Variants in ADAM10 observed in about 807,000 individuals in gnomAD.
ADAM10 encodes the protein ADAM metallopeptidase domain 10, also known as disintegrin and metalloproteinase domain-containing protein 10.
ADAM10 carries 17 observed loss-of-function variants against 90.1 expected under a neutral mutation model. That is an observed-to-expected ratio of 0.19 (90% CI 0.13 to 0.28). The LOEUF is 0.28. Among genes scored for constraint, ADAM10 ranks in the 10% least tolerant of loss-of-function variants. The probability of loss-of-function intolerance (pLI) is 1.00; values close to 1 mark genes in which losing one functional copy is unlikely to be tolerated. For synonymous variants in ADAM10, 310 were observed against 298.6 expected (o/e 1.04, Z -0.40); for missense variants, 610 against 914.3 (o/e 0.67, Z 4.29).
intron 1 of ADAM10, among the ~76,000 whole-genome samples, chr15:58,718,718 A>T (rs1898745698): frequency 6.6e-6 from 1 of 152,178 alleles, no homozygotes; most frequent in Non-Finnish European, 1.5e-5. Flanking sequence ...CTTTAGCCTC[A>T]GGTAGTTTCC....
At chr15:58,608,474 G>A (rs1276511186) in intron 14 of ADAM10, among the ~76,000 whole-genome samples, 1 of 152,160 alleles carries the variant, frequency 6.6e-6, no homozygotes, top group Non-Finnish European at 1.5e-5. Flanking sequence ...TGTGGTTAAT[G>A]CCCACAAATG....
Position 58,608,645 on chromosome 15 carries a change from A to G in ADAM10, c.2025+1652T>C, listed in dbSNP as rs574158175. Among the ~76,000 whole-genome samples the G allele has an allele frequency of 5.9e-5, 9 of 152,332 alleles. No individual in the cohort carries two copies. The East Asian group carries it at 1.5e-3, about 26-fold the overall frequency. On this transcript the variant is annotated intron_variant, in intron 14 of 15. Transcript: ENST00000260408. ...AAAGTGTCTGATTAATTAGTTCCAG[A>G]GCACAAGAAAGGACTTCATGTTGCC...
At chr15:58,668,493 A>G (rs2140733586) in intron 4 of ADAM10, among the ~76,000 whole-genome samples, 1 of 152,266 alleles carries the variant, frequency 6.6e-6, no homozygotes, top group Middle Eastern at 3.4e-3. Flanking sequence ...ATATTGTTGC[A>G]GCCAGAGTAA....
intron 1 of ADAM10, among the ~76,000 whole-genome samples, chr15:58,737,083 C>T (rs568240333): frequency 6.6e-6 from 1 of 152,150 alleles, no homozygotes; most frequent in Non-Finnish European, 1.5e-5. Flanking sequence ...CTTAGGAGAG[C>T]TCTCCCTTTT....
chr15:58,597,478 A>G lies in ADAM10; in HGVS notation c.*69T>C. ...GGGTTTAGTTTGGAGATGATGACTT[A>G]ATAGGTTTCTCTTTGGAGTGAAGTT... On this transcript the variant is annotated 3_prime_UTR_variant, in exon 16 of 16. Coordinates refer to ENST00000260408, the MANE Select transcript of ADAM10 (RefSeq NM_001110.4). 1 of 1,611,818 alleles carries G rather than the reference A, an allele frequency of 6.2e-7. No homozygotes were observed. Among genetic ancestry groups the G allele is most frequent in the East Asian group, 2.2e-5 (1 of 44,844 alleles).
intron 1 of ADAM10, among the ~76,000 whole-genome samples, chr15:58,731,205 T>C (rs1899225058): frequency 6.6e-6 from 1 of 152,048 alleles, no homozygotes; most frequent in African/African-American, 2.4e-5. Flanking sequence ...GGAAAAAAAA[T>C]CCACAAAGTT....
intron 1 of ADAM10, among the ~76,000 whole-genome samples, chr15:58,722,920 C>T (rs1898904900): frequency 6.6e-6 from 1 of 151,820 alleles, no homozygotes. Flanking sequence ...CTTGTAGAGA[C>T]AGGGTCTCAC....
chr15:58,733,904 A>ATT (rs1899342748), intron 1 of ADAM10, among the ~76,000 whole-genome samples: 1 of 135,858 alleles, frequency 7.4e-6, no homozygotes, highest in East Asian at 2.7e-4. Flanking sequence ...TTTTCATTAC[A>ATT]TTATATATAT....
chr15:58,634,514 C>A (rs576961160), intron 8 of ADAM10, among the ~76,000 whole-genome samples: 1 of 152,162 alleles, frequency 6.6e-6, no homozygotes, highest in Non-Finnish European at 1.5e-5. Flanking sequence ...TAGAATTTAA[C>A]AGCAAATGAC....
chr15:58,691,970 C>A, intron 2 of ADAM10: 1 of 430,286 alleles, frequency 2.3e-6, no homozygotes, highest in South Asian at 1.7e-5. Context: ...GCCACCATGC[C>A]CAGCCGGCAT....
At chr15:58,704,370 T>C (rs1898220615) in intron 2 of ADAM10, among the ~76,000 whole-genome samples, 1 of 152,130 alleles carries the variant, frequency 6.6e-6, no homozygotes, top group Non-Finnish European at 1.5e-5. Flanking sequence ...ATGATGGATA[T>C]GGTGACGGTT....
intron 2 of ADAM10, among the ~76,000 whole-genome samples, chr15:58,701,749 G>A (rs781448694): frequency 2.6e-5 from 4 of 152,032 alleles, no homozygotes; most frequent in African/African-American, 4.8e-5. Context: ...GTGAATCAAC[G>A]GATAAATGTT....
chr15:58,605,350 G>A (rs553820761), intron 14 of ADAM10, among the ~76,000 whole-genome samples: 2 of 152,108 alleles, frequency 1.3e-5, no homozygotes, highest in Admixed American at 6.6e-5. Flanking sequence ...AGCGTGTGGG[G>A]AAATGGAACA....
intron 2 of ADAM10, among the ~76,000 whole-genome samples, chr15:58,704,877 C>T (rs1567004163): frequency 6.6e-6 from 1 of 152,038 alleles, no homozygotes. Flanking sequence ...ATTTGGTTGC[C>T]GCATATTGCT....
At chr15:58,603,527 C>T (rs1450739974) in intron 14 of ADAM10, among the ~76,000 whole-genome samples, 5 of 152,314 alleles carry the variant, frequency 3.3e-5, no homozygotes, top group Admixed American at 2.0e-4. Context: ...AGGAGACACA[C>T]TTCTCTTCCT....
chr15:58,662,414 C>T (rs575399266), intron 5 of ADAM10, among the ~76,000 whole-genome samples: 30 of 152,234 alleles, frequency 2.0e-4, no homozygotes, highest in African/African-American at 5.8e-4. Flanking sequence ...ATCACAGCAG[C>T]CTCAACCACC....
chr15:58,718,947 G>A (rs1478618751), intron 1 of ADAM10, among the ~76,000 whole-genome samples: 1 of 152,154 alleles, frequency 6.6e-6, no homozygotes, highest in Non-Finnish European at 1.5e-5. Context: ...AATCTCTCAA[G>A]GCAGAAAGCT....
chr15:58,615,083 G>A (rs1171469257), intron 11 of ADAM10, among the ~76,000 whole-genome samples: 1 of 151,960 alleles, frequency 6.6e-6, no homozygotes, highest in Non-Finnish European at 1.5e-5. Context: ...AACCATCCTG[G>A]CTAACACAGT....
chr15:58,710,949 T>A (rs1898454208), intron 2 of ADAM10, among the ~76,000 whole-genome samples: 1 of 152,124 alleles, frequency 6.6e-6, no homozygotes, highest in Non-Finnish European at 1.5e-5. Flanking sequence ...CTAACCCAAC[T>A]CCAGGCAAGA....
Sources: allele counts gnomAD v4.1 joint callset (sites outside exome capture counted in the v4.1 genomes callset), GRCh38; gene constraint gnomAD v4.1.1; transcripts MANE v1.5; gene names NCBI Gene and HGNC (gene_info 2026-07-23, HGNC 2026-07-21).